Variants in ROBO2 observed in about 807,000 individuals in gnomAD.
ROBO2 encodes the protein roundabout guidance receptor 2.
A neutral mutation model predicts 160.8 loss-of-function variants in ROBO2; 53 were observed. That is an observed-to-expected ratio of 0.33 (90% CI 0.26 to 0.41). The LOEUF is 0.41. Among genes scored for constraint, ROBO2 ranks in the 10% least tolerant of loss-of-function variants. The pLI is 1.00. For synonymous variants in ROBO2, 664 were observed against 611.7 expected (o/e 1.09, Z -1.26); for missense variants, 1,577 against 1,722.4 (o/e 0.92, Z 1.49).
In ROBO2 at chr3:76,710,485, A is replaced by C. The variant is rs370217831; in HGVS notation, c.110-387529A>C. Among the ~76,000 whole-genome samples the C allele has an allele frequency of 1.4e-4, 21 of 152,268 alleles. No homozygotes were observed. The East Asian group carries it at 1.7e-3, about 13-fold the overall frequency. On this transcript the variant is annotated intron_variant, in intron 2 of 26. Transcript: ENST00000487694. ...GAAAAGATAAGAAGACATTATTTAA[A>C]CTAGTAGTAATTTGTTTGGCCAATT...
At chr3:76,313,073 A>C (rs1461528369) in intron 2 of ROBO2, among the ~76,000 whole-genome samples, 1 of 152,246 alleles carries the variant, frequency 6.6e-6, no homozygotes, top group African/African-American at 2.4e-5. Context: ...CAACTCAGTT[A>C]AGTTCAGGAA....
chr3:76,703,925 G>A (rs2093100789), intron 2 of ROBO2, among the ~76,000 whole-genome samples: 1 of 151,858 alleles, frequency 6.6e-6, no homozygotes, highest in Non-Finnish European at 1.5e-5. Flanking sequence ...TAGAAATGTT[G>A]AGAATTAAAA....
At chr3:77,098,127 A>C (rs758055441) in exon 2 of ROBO2, 1 of 1,614,164 alleles carries the variant, frequency 6.2e-7, no homozygotes, top group Admixed American at 1.7e-5. Context: ...GGGCCGGCCA[A>C]CGCCCACCAT....
intron 2 of ROBO2, among the ~76,000 whole-genome samples, chr3:75,966,102 C>A (rs1248700648): frequency 1.3e-5 from 2 of 151,642 alleles, no homozygotes; most frequent in Non-Finnish European, 3.0e-5. Context: ...ACAAATAAGT[C>A]TTTATTAATA....
intron 2 of ROBO2, among the ~76,000 whole-genome samples, chr3:76,606,622 C>T (rs2087678701): frequency 6.6e-6 from 1 of 152,056 alleles, no homozygotes; most frequent in African/African-American, 2.4e-5. Context: ...TTTACTATTA[C>T]AGTAATATTA....
intron 2 of ROBO2, among the ~76,000 whole-genome samples, chr3:76,505,548 A>T (rs1233161369): frequency 6.6e-6 from 1 of 152,184 alleles, no homozygotes; most frequent in South Asian, 2.1e-4. Flanking sequence ...TAACTCCAAT[A>T]TAGCTGTATC....
Position 77,622,393 on chromosome 3 carries a change from C to T in ROBO2, c.3721C>T (p.Pro1241Ser), listed in dbSNP as rs199996664. Residue 1241 changes from proline to serine, a missense_variant, in exon 23 of 26, where the codon CCT becomes TCT. By Grantham distance (74) the Pro-to-Ser change is moderately conservative. This residue lies in a region of ROBO2 where 637 missense variants were observed against 586.9 expected (regional missense o/e 1.09). Coordinates refer to ENST00000461745, the Ensembl canonical transcript of ROBO2. ...GCCCCTGAGAGCACTGGACCAGACT[C>T]CTGGATCCAGCATGGACAATCTAGA... 2.3e-5 allele frequency: 37 copies of T among 1,613,872 alleles called. No homozygotes were observed. The highest frequency in any genetic ancestry group is 2.7e-5 in the Non-Finnish European group (32 of 1,180,004).
intron 2 of ROBO2, among the ~76,000 whole-genome samples, chr3:76,766,887 A>T (rs187856114): frequency 1.3e-4 from 19 of 151,676 alleles, no homozygotes; most frequent in Non-Finnish European, 2.4e-4. Flanking sequence ...TGACTCTAAT[A>T]TTGACTTTCT....
At chr3:76,142,644 G>A (rs148969464) in intron 2 of ROBO2, among the ~76,000 whole-genome samples, 348 of 152,012 alleles carry the variant, frequency 2.3e-3, no homozygotes, top group African/African-American at 8.0e-3. Flanking sequence ...GAGAGTAGAA[G>A]GATGGTTACC....
intron 2 of ROBO2, among the ~76,000 whole-genome samples, chr3:76,812,343 T>C (rs9874138): frequency 1 from 141,256 of 141,308 alleles, 70,602 homozygotes; most frequent in Middle Eastern, 1. Context: ...TAAAAGCTAT[T>C]TGAAAAAAAA....
At chr3:77,131,028 A>G (rs1419522910) in intron 2 of ROBO2, among the ~76,000 whole-genome samples, 3 of 152,064 alleles carry the variant, frequency 2.0e-5, no homozygotes, top group Non-Finnish European at 4.4e-5. Flanking sequence ...TTTGAAATAT[A>G]TATATTATTG....
chr3:77,561,683 T>C (rs994572127), intron 9 of ROBO2, among the ~76,000 whole-genome samples: 4 of 152,186 alleles, frequency 2.6e-5, no homozygotes, highest in African/African-American at 9.6e-5. Flanking sequence ...CCCTTTCAGC[T>C]TGAAATTGCA....
intron 2 of ROBO2, among the ~76,000 whole-genome samples, chr3:76,394,633 C>T (rs549209059): frequency 2.0e-4 from 30 of 151,974 alleles, no homozygotes; most frequent in African/African-American, 6.0e-4. Flanking sequence ...ATCTTTGTGG[C>T]GTTCTCTGTA....
chr3:77,071,409 A>ATGACTACT (rs2067399018), intron 1 of ROBO2, among the ~76,000 whole-genome samples: 1 of 152,224 alleles, frequency 6.6e-6, no homozygotes. Flanking sequence ...TTGTTGTATA[A>ATGACTACT]TGACTACTTG....
At chr3:76,989,250 T>G (rs1380574823) in intron 2 of ROBO2, among the ~76,000 whole-genome samples, 33 of 152,062 alleles carry the variant, frequency 2.2e-4, no homozygotes. Context: ...TGTAAGCACT[T>G]TGCATGGGAT....
At chr3:76,730,939 TCCTACTCCCTAC>T in intron 2 of ROBO2, among the ~76,000 whole-genome samples, 3 of 21,442 alleles carry the variant, frequency 1.4e-4, no homozygotes, top group South Asian at 2.8e-3. Context: ...TGTCCTCACC[TCCTACTCCCTAC>T]CCGCTTCTCC....
intron 2 of ROBO2, among the ~76,000 whole-genome samples, chr3:76,204,329 G>A (rs1026134712): frequency 2.0e-5 from 3 of 152,130 alleles, no homozygotes; most frequent in African/African-American, 7.2e-5. Flanking sequence ...CCGCGAGGAA[G>A]CACTGAAAGT....
intron 2 of ROBO2, among the ~76,000 whole-genome samples, chr3:77,108,407 G>A (rs928834692): frequency 9.2e-5 from 14 of 151,996 alleles, no homozygotes; most frequent in Admixed American, 3.3e-4. Flanking sequence ...GGAACTCCTG[G>A]CCCTATGTGA....
intron 2 of ROBO2, among the ~76,000 whole-genome samples, chr3:76,554,170 G>A (rs370053493): frequency 6.6e-6 from 1 of 152,156 alleles, no homozygotes; most frequent in Non-Finnish European, 1.5e-5. Context: ...TTGTTTGAAA[G>A]AATGAGCTAC....
Sources: gnomAD v4.1 joint callset for allele counts (sites outside exome capture counted in the v4.1 genomes callset) on GRCh38, gnomAD v4.1.1 for gene constraint, gnomAD v4.1.1 regional missense constraint, MANE v1.5 for transcripts, NCBI Gene and HGNC (gene_info 2026-07-23, HGNC 2026-07-21) for gene names.